PAM: variants seen among roughly 807,000 people sequenced by gnomAD.
The protein encoded by PAM is peptidylglycine alpha-amidating monooxygenase.
Under a neutral mutation model 122.1 loss-of-function variants are expected in PAM, and 72 were observed. The ratio of observed to expected loss-of-function variants is 0.59; its 90% CI spans 0.49 to 0.72. The LOEUF is 0.72. PAM is among the 30% of genes least tolerant of loss of function. PAM has a pLI of 0.00. For missense variants in PAM, 1,106 were observed against 1,183.7 expected (o/e 0.93, Z 0.96); for synonymous variants, 389 against 404.4 (o/e 0.96, Z 0.46).
intron 1 of PAM, among the ~76,000 whole-genome samples, chr5:102,827,493 T>G (rs530088151): frequency 4.9e-4 from 74 of 152,320 alleles, no homozygotes; most frequent in Admixed American, 4.1e-3. Flanking sequence ...GTTTTTAATT[T>G]TATCCTCATA....
At chr5:102,940,606 A>T (rs1754875321) in intron 7 of PAM, among the ~76,000 whole-genome samples, 1 of 151,762 alleles carries the variant, frequency 6.6e-6, no homozygotes, top group South Asian at 2.1e-4. Flanking sequence ...AGAAAGAGGA[A>T]ATAAAAAAAG....
At chr5:102,947,508 C>T (rs1011521183) in intron 8 of PAM, among the ~76,000 whole-genome samples, 2 of 152,068 alleles carry the variant, frequency 1.3e-5, no homozygotes, top group Admixed American at 6.6e-5. Flanking sequence ...ATACAGTGGA[C>T]TTTGAGGACT....
At chr5:102,985,563 C>A (rs1486363250) in intron 15 of PAM, among the ~76,000 whole-genome samples, 1 of 151,740 alleles carries the variant, frequency 6.6e-6, no homozygotes, top group Admixed American at 6.6e-5. Flanking sequence ...AATAGAAAAC[C>A]CGAACACACC....
intron 7 of PAM, among the ~76,000 whole-genome samples, chr5:102,940,706 T>C (rs1754913057): frequency 1.3e-5 from 2 of 152,088 alleles, no homozygotes; most frequent in African/African-American, 4.8e-5. Context: ...ATGTTTCTTT[T>C]GGTTTTAGCC....
At chr5:102,930,455 G>T (rs1751099254) in intron 7 of PAM, among the ~76,000 whole-genome samples, 1 of 152,148 alleles carries the variant, frequency 6.6e-6, no homozygotes, top group African/African-American at 2.4e-5. Flanking sequence ...AGGGAAGACA[G>T]GTTCCAGACA....
chr5:102,780,753 C>CTT (rs1462957361), intron 1 of PAM, among the ~76,000 whole-genome samples: 23 of 74,628 alleles, frequency 3.1e-4, no homozygotes, highest in East Asian at 1.2e-3. Context: ...TTCTTTCTTT[C>CTT]TCTTTCTTTC....
chr5:102,983,068 A>G (rs1770455033), intron 15 of PAM, among the ~76,000 whole-genome samples: 1 of 152,080 alleles, frequency 6.6e-6, no homozygotes, highest in African/African-American at 2.4e-5. Context: ...TAATCAAATG[A>G]AATAAAAAAT....
At position 103,028,215 on chromosome 5, in the gene PAM, G is replaced by C; in HGVS notation, c.2720G>C (p.Gly907Ala). The change falls in exon 25 of 26, where the codon GGA becomes GCA. Residue 907 changes from glycine (G) to alanine (A), a missense_variant. By Grantham distance (60) the Gly-to-Ala change is moderately conservative (BLOSUM62 0). This residue lies in a region of PAM where 333 missense variants were observed against 335.6 expected (regional missense o/e 0.99). Coordinates refer to ENST00000438793, the MANE Select transcript of PAM (RefSeq NM_001177306.2). Reference protein sequence around the residue: ...DSEHKLETSSGRVLGRFRGKG... With the variant: ...DSEHKLETSSARVLGRFRGKG... ...GAACACAAACTCGAGACGAGTTCAGGAAGAGTACTGGGAAGATTTAGAGGT... is the reference window on the plus strand; with the variant it reads ...GAACACAAACTCGAGACGAGTTCAGCAAGAGTACTGGGAAGATTTAGAGGT... The C allele has an allele frequency of 6.2e-7, 1 of 1,612,628 alleles. No individual in the cohort carries two copies. The highest frequency in any genetic ancestry group is 2.2e-5 in the East Asian group (1 of 44,864).
At chr5:103,011,017 G>GAA (rs1780430942) in intron 21 of PAM, among the ~76,000 whole-genome samples, 1 of 151,976 alleles carries the variant, frequency 6.6e-6, no homozygotes, top group East Asian at 1.9e-4. Flanking sequence ...CAAATACTAG[G>GAA]TCTTATTCAT....
rs145813143 is a variant in PAM at position 103,009,857 on chromosome 5, A to G, written c.2322A>G (p.Pro774=). The change falls in exon 21 of 26, where the codon CCA becomes CCG. Residue 774 remains proline (P), a synonymous_variant. Transcript: ENST00000438793. The stretch of plus-strand genomic sequence containing the variant: ...GGGAAATTATAGACATCTTCAAGCC[A>G]GTGCGCAAGGTATTTACACACATTG... ...SNGEIIDIFK[P]VRKHFDMPHD... 1.1e-4 allele frequency: 179 copies of G among 1,571,146 alleles called. 2 individuals are homozygous for G. In the Middle Eastern group the frequency reaches 1.7e-3, roughly 15 times the overall value.
intron 1 of PAM, among the ~76,000 whole-genome samples, chr5:102,783,923 G>C (rs1255715342): frequency 6.6e-6 from 1 of 151,372 alleles, no homozygotes; most frequent in East Asian, 1.9e-4. Context: ...TTGAGGTGGA[G>C]TCTCGCTCTG....
intron 15 of PAM, among the ~76,000 whole-genome samples, chr5:102,987,106 C>T (rs1772103713): frequency 6.6e-6 from 1 of 152,120 alleles, no homozygotes; most frequent in Non-Finnish European, 1.5e-5. Context: ...CCCATGTTTA[C>T]TGCAATACTA....
intron 21 of PAM, among the ~76,000 whole-genome samples, chr5:103,014,074 C>T (rs917576313): frequency 6.6e-6 from 1 of 152,194 alleles, no homozygotes; most frequent in Non-Finnish European, 1.5e-5. Context: ...TTTGAACTAA[C>T]TTCCTCATAT....
At chr5:102,843,154 A>G (rs1779080828) in intron 1 of PAM, among the ~76,000 whole-genome samples, 1 of 152,186 alleles carries the variant, frequency 6.6e-6, no homozygotes, top group African/African-American at 2.4e-5. Context: ...GAGTAAATGC[A>G]CCACTAAATG....
intron 1 of PAM, 28 bp downstream of exon 1, chr5:102,755,376 A>C (rs1030877366): frequency 6.6e-6 from 1 of 151,966 alleles, no homozygotes; most frequent in Admixed American, 6.5e-5. Flanking sequence ...TGCTGCCGCC[A>C]CTGCGAGGCG....
intron 14 of PAM, among the ~76,000 whole-genome samples, chr5:102,969,025 G>A (rs1764969521): frequency 6.6e-6 from 1 of 152,074 alleles, no homozygotes; most frequent in Non-Finnish European, 1.5e-5. Context: ...ACTCATAAGT[G>A]GGAGGTGAAC....
chr5:102,945,475 T>C (rs1756730275), intron 7 of PAM, among the ~76,000 whole-genome samples: 1 of 151,638 alleles, frequency 6.6e-6, no homozygotes, highest in African/African-American at 2.4e-5. Flanking sequence ...ATAAACTAAA[T>C]ATATGTAAAA....
intron 7 of PAM, among the ~76,000 whole-genome samples, chr5:102,940,115 T>C (rs1044452278): frequency 4.5e-5 from 6 of 134,370 alleles, no homozygotes; most frequent in African/African-American, 1.0e-4. Context: ...TATGTATACA[T>C]ACACACACAC....
intron 7 of PAM, among the ~76,000 whole-genome samples, chr5:102,932,006 T>C (rs942739974): frequency 2.6e-5 from 4 of 152,100 alleles, no homozygotes; most frequent in Non-Finnish European, 5.9e-5. Flanking sequence ...TATTTTCAAC[T>C]CTCCTTTATG....
Sources: allele counts gnomAD v4.1 joint callset (sites outside exome capture counted in the v4.1 genomes callset), GRCh38; gene constraint gnomAD v4.1.1; regional missense constraint gnomAD v4.1.1; transcripts MANE v1.5; gene names NCBI Gene and HGNC (gene_info 2026-07-23, HGNC 2026-07-21).